The following HDAC5 variants were observed in gnomAD, a reference collection of about 807,000 sequenced individuals.
The protein encoded by HDAC5 is antigen NY-CO-9.
In HDAC5, 25 loss-of-function variants were observed where a neutral mutation model predicts 133.3. The ratio of observed to expected loss-of-function variants is 0.19; its 90% CI spans 0.14 to 0.26. The LOEUF (loss-of-function observed/expected upper bound fraction) is 0.26. HDAC5 is among the 10% of genes least tolerant of loss of function. The pLI, the probability that HDAC5 is intolerant of heterozygous loss-of-function variation, is 1.00. For synonymous variants in HDAC5, 589 were observed against 610.8 expected, an observed-to-expected ratio of 0.96 and a Z score of 0.53; for missense variants, 1,041 against 1,460.5, an observed-to-expected ratio of 0.71 and a Z score of 4.68.
chr17:44,086,619 C>A lies in HDAC5; in HGVS notation c.2003G>T (p.Gly668Val). 7.7e-7 allele frequency: 1 copy of A among 1,303,272 alleles called. No homozygotes were observed. The highest frequency in any genetic ancestry group is 9.8e-7 in the Non-Finnish European group (1 of 1,018,072). 80.7% of individuals were successfully genotyped at this position (1,303,272 alleles called of 1,614,324 possible). Residue 668 changes from glycine to valine, a missense_variant, in exon 14 of 27, where the codon GGC (glycine) becomes GTC (valine). Coordinates refer to ENST00000682912, the MANE Select transcript of HDAC5 (RefSeq NM_005474.5). ...RTQSSPAAPGGMKSPPDQPVK... is the reference protein window; with the variant it reads ...RTQSSPAAPGVMKSPPDQPVK... ...GGGCTGGTCTGGGGGGCTCTTCATG[C>A]CCCCAGGGGCAGCAGGGGAGGACTG...
intron 13 of HDAC5, 101 bp downstream of exon 13, chr17:44,087,311 G>A (rs1340281601): frequency 5.9e-6 from 4 of 677,722 alleles, no homozygotes; most frequent in Non-Finnish European, 8.2e-6. Context: ...TGCACAGCCT[G>A]GAAACTGCAG....
intron 18 of HDAC5, 81 bp downstream of exon 18, chr17:44,083,464 G>C: frequency 1.0e-6 from 1 of 984,680 alleles, no homozygotes; most frequent in Middle Eastern, 2.1e-4. Flanking sequence ...TCACTGAAAG[G>C]ATCCCAAGGC....
At chr17:44,114,036 T>C (rs2143599749) in intron 2 of HDAC5, among the ~76,000 whole-genome samples, 1 of 152,306 alleles carries the variant, frequency 6.6e-6, no homozygotes, top group South Asian at 2.1e-4. Flanking sequence ...ATGCTAGGTG[T>C]TGGCTGAACC....
At chr17:44,078,979 G>A (rs1401993869) in intron 24 of HDAC5, 100 bp from the exon 25 acceptor site, 4 of 1,514,260 alleles carry the variant, frequency 2.6e-6, no homozygotes, top group Non-Finnish European at 3.7e-6. Context: ...TCACAACAGG[G>A]GCAAACATGG....
intron 3 of HDAC5, among the ~76,000 whole-genome samples, chr17:44,105,233 G>A (rs1164589927): frequency 2.0e-5 from 3 of 152,308 alleles, no homozygotes; most frequent in African/African-American, 7.2e-5. Context: ...TGAGCCCAGG[G>A]GTGCAGGGGA....
chr17:44,088,874 G>C (rs1157574383), intron 11 of HDAC5, among the ~76,000 whole-genome samples: 1 of 152,096 alleles, frequency 6.6e-6, no homozygotes, highest in Non-Finnish European at 1.5e-5. Flanking sequence ...TGAATAAACT[G>C]AGTATACATT....
At position 44,082,639 on chromosome 17, in the gene HDAC5, G is replaced by A. The variant is rs762470534; in HGVS notation, c.2553C>T (p.Thr851=). The A allele has an allele frequency of 2.6e-5, 42 of 1,613,992 alleles. No homozygotes were observed. Among genetic ancestry groups the A allele is most frequent in the African/African-American group, 9.3e-5 (7 of 74,910 alleles). Residue 851 remains threonine (T), a synonymous_variant, in exon 20 of 27, where the codon ACC becomes ACT. Coordinates refer to ENST00000682912, the MANE Select transcript of HDAC5 (RefSeq NM_005474.5). ...GFCFFNSVAI[T]AKLLQQKLNV... The stretch of plus-strand genomic sequence containing the variant: ...TCAACTTCTGCTGTAGGAGTTTTGC[G>A]GTGATGGCTACAGAGTTGAAGAAGC...
Position 44,093,831 on chromosome 17 carries a change from TC to T in HDAC5, c.97del (p.Glu33ArgfsTer2). 6.7e-7 allele frequency: 1 copy of T among 1,498,436 alleles called. No individual in the cohort carries two copies. Among genetic ancestry groups the T allele is most frequent in the South Asian group, 1.4e-5 (1 of 72,618 alleles). The allele number at this position is 1,498,436 out of a possible 1,614,324, so 92.8% of individuals were successfully genotyped here. The stretch of plus-strand genomic sequence containing the variant: ...GGCTCTTGGCAGCACCGGCTTCACC[TC>T]CACTGTGGGCAGAAGAGACAGGAAG... ...TSLHSIPVTV[E>X]VKPVLPRAMP... On this transcript the variant is annotated frameshift_variant and splice_region_variant, in exon 4 of 27. Transcript: ENST00000682912. LOFTEE classifies it high-confidence loss of function.
intron 3 of HDAC5, among the ~76,000 whole-genome samples, chr17:44,109,809 C>T (rs1282221664): frequency 1.3e-5 from 2 of 152,260 alleles, no homozygotes; most frequent in South Asian, 2.1e-4. Flanking sequence ...GACACCCACA[C>T]TTGAGTGCCA....
chr17:44,085,404 G>T (rs2050599516), intron 14 of HDAC5: 2 of 329,292 alleles, frequency 6.1e-6, no homozygotes, highest in Non-Finnish European at 1.1e-5. Context: ...TGCTATCATG[G>T]CTCACTGCAG....
intron 3 of HDAC5, among the ~76,000 whole-genome samples, chr17:44,100,793 T>G (rs1010778496): frequency 6.6e-6 from 1 of 150,874 alleles, no homozygotes. Flanking sequence ...ACGTAATTTT[T>G]TTTTCTTTTT....
intron 23 of HDAC5, 27 bp downstream of exon 23, chr17:44,080,080 C>T: frequency 1.3e-6 from 2 of 1,492,874 alleles, no homozygotes; most frequent in Non-Finnish European, 1.9e-6. Flanking sequence ...TGTTTCACTT[C>T]CTCCCTCAAT....
rs200490940 is a variant in HDAC5 at position 44,088,111 on chromosome 17, CA to C, written c.1599+275del. On this transcript the variant is annotated intron_variant, in intron 12 of 26. Transcript: ENST00000682912. ...GCAACCTCCATCTCCCAGGTTCAAG[CA>C]ATTCTCCTGCCTCAGCCTCCCGAGT... Among the ~76,000 whole-genome samples, 24 of 152,282 alleles carry C rather than the reference CA, an allele frequency of 1.6e-4. No homozygotes were observed. The East Asian group carries it at 3.7e-3, about 23-fold the overall frequency.
Position 44,084,549 on chromosome 17 carries a change from G to A in HDAC5, c.2305+6C>T, listed in dbSNP as rs1421978880. 10 of 1,613,788 alleles carry A rather than the reference G, an allele frequency of 6.2e-6. No homozygotes were observed. Among genetic ancestry groups the A allele is most frequent in the Non-Finnish European group, 8.5e-6 (10 of 1,179,814 alleles). On this transcript the variant is annotated splice_donor_region_variant and intron_variant, in intron 16 of 26. Coordinates refer to ENST00000682912, the MANE Select transcript of HDAC5 (RefSeq NM_005474.5). ...TGCCTGCCCGCCCACCCATGTGCCA[G>A]CTCACCGAGCAACTTCTTGCTGTCT...
At position 44,092,289 on chromosome 17, in the gene HDAC5, A is replaced by G. The variant is rs1401270805; in HGVS notation, c.920-5T>C. The G allele has an allele frequency of 3.7e-6, 6 of 1,613,944 alleles. No individual in the cohort carries two copies. Among genetic ancestry groups the G allele is most frequent in the Non-Finnish European group, 5.1e-6 (6 of 1,179,920 alleles). Reference sequence around the variant, plus strand: ...CGCTGTTACACACGGACGACGCTATAGGAGAAGTGGCTGTCACCTGGGCCT... The same window carrying G: ...CGCTGTTACACACGGACGACGCTATGGGAGAAGTGGCTGTCACCTGGGCCT... On this transcript the variant is annotated splice_region_variant and splice_polypyrimidine_tract_variant and intron_variant, in intron 8 of 26. Coordinates refer to ENST00000682912, the MANE Select transcript of HDAC5 (RefSeq NM_005474.5).
intron 3 of HDAC5, among the ~76,000 whole-genome samples, 167 bp downstream of exon 3, chr17:44,110,562 G>A (rs1306110193): frequency 6.6e-6 from 1 of 152,018 alleles, no homozygotes; most frequent in East Asian, 1.9e-4. Context: ...GGCAGGGAGG[G>A]CAGGGGCCTC....
chr17:44,121,099 T>C (rs1598052996), intron 1 of HDAC5, among the ~76,000 whole-genome samples: 1 of 90,118 alleles, frequency 1.1e-5, no homozygotes, highest in African/African-American at 4.1e-5. Flanking sequence ...CTGCTATTTC[T>C]AGAAAAAAAA....
chr17:44,078,446 G>A, intron 26 of HDAC5, 31 bp from the exon 27 acceptor site: 1 of 1,566,230 alleles, frequency 6.4e-7, no homozygotes, highest in Non-Finnish European at 8.7e-7. Context: ...AGGGTATTGA[G>A]TGGGGCGCAC....
chr17:44,083,566 C>T lies in HDAC5; in HGVS notation c.2442G>A (p.Lys814=), dbSNP rs146887563. 96 of 1,613,852 alleles carry T rather than the reference C, an allele frequency of 5.9e-5. 2 individuals carry two copies. Among genetic ancestry groups the T allele is most frequent in the Non-Finnish European group, 6.4e-5 (76 of 1,179,932 alleles). The change falls in exon 18 of 27, where the codon AAG becomes AAA. Residue 814 remains lysine, a synonymous_variant. Transcript: ENST00000682912. ...AVGCLLELAF[K]VAAGELKNGF... ...TCACCTTGAGCTCTCCTGCAGCCACCTTGAAGGCCAGCTCCAGCAGGCAGC... is the reference window on the plus strand; with the variant it reads ...TCACCTTGAGCTCTCCTGCAGCCACTTTGAAGGCCAGCTCCAGCAGGCAGC...
Sources: gnomAD v4.1 joint callset for allele counts (sites outside exome capture counted in the v4.1 genomes callset) on GRCh38, gnomAD v4.1.1 for gene constraint, MANE v1.5 for transcripts, NCBI Gene and HGNC (gene_info 2026-07-23, HGNC 2026-07-21) for gene names.